PCDH15: variants seen among roughly 807,000 people sequenced by gnomAD.
PCDH15 encodes protocadherin-15.
In PCDH15, 129 loss-of-function variants were observed where a neutral mutation model predicts 178.5. The observed-to-expected ratio is 0.72, with a 90% CI of 0.63 to 0.84. PCDH15 has a LOEUF of 0.84. Among genes scored for constraint, PCDH15 ranks in the 40% least tolerant of loss-of-function variants. The pLI is 0.00. For missense variants in PCDH15, 2,230 were observed against 2,099.9 expected, an observed-to-expected ratio of 1.06 and a Z score of -1.21; for synonymous variants, 800 against 732.0, an observed-to-expected ratio of 1.09 and a Z score of -1.50.
chr10:54,157,822 G>T (rs534008543), intron 13 of PCDH15, among the ~76,000 whole-genome samples: 45 of 152,172 alleles, frequency 3.0e-4, no homozygotes, highest in African/African-American at 9.9e-4. Flanking sequence ...AATTTATTCC[G>T]CCAGGTATCC....
At position 54,394,799 on chromosome 10, in the gene PCDH15, G is replaced by A. The variant is rs527767168; in HGVS notation, c.158-15857C>T. On this transcript the variant is annotated intron_variant, in intron 3 of 37. Coordinates refer to ENST00000644397, the MANE Select transcript of PCDH15 (RefSeq NM_001384140.1). ...TCAACCCTAAGAGGCAGGCGCACCT[G>A]GGGGCGCTGTTTATAAGCCTATACC... 2.0e-5 allele frequency among the ~76,000 whole-genome samples: 3 copies of A among 152,256 alleles called. No individual in the cohort carries two copies. The East Asian group carries it at 5.8e-4, about 29-fold the overall frequency.
At chr10:54,126,233 G>A (rs535871024) in intron 15 of PCDH15, among the ~76,000 whole-genome samples, 55 of 152,028 alleles carry the variant, frequency 3.6e-4, no homozygotes, top group Non-Finnish European at 7.2e-4. Context: ...AACACACCCA[G>A]GTAATTTTTG....
intron 3 of PCDH15, among the ~76,000 whole-genome samples, chr10:54,879,884 G>T (rs1954228699): frequency 6.6e-6 from 1 of 151,830 alleles, no homozygotes; most frequent in Admixed American, 6.6e-5. Context: ...AGATAACTGT[G>T]ATCATCATGA....
chr10:54,287,619 C>T (rs374164644), intron 8 of PCDH15, among the ~76,000 whole-genome samples: 1 of 151,678 alleles, frequency 6.6e-6, no homozygotes, highest in Non-Finnish European at 1.5e-5. Context: ...CTATTTTTTT[C>T]GTTCTAAGGC....
chr10:54,925,441 T>G (rs1837594147), intron 2 of PCDH15, among the ~76,000 whole-genome samples: 1 of 152,178 alleles, frequency 6.6e-6, no homozygotes, highest in Non-Finnish European at 1.5e-5. Context: ...TTTTTTTGTT[T>G]TCACATTAAT....
At chr10:55,020,743 G>A (rs1262882758) in intron 2 of PCDH15, among the ~76,000 whole-genome samples, 1 of 152,040 alleles carries the variant, frequency 6.6e-6, no homozygotes, top group Non-Finnish European at 1.5e-5. Context: ...TTTTACAGAT[G>A]AGAAAATTCT....
At chr10:54,256,172 G>A (rs2132182978) in intron 8 of PCDH15, among the ~76,000 whole-genome samples, 1 of 152,234 alleles carries the variant, frequency 6.6e-6, no homozygotes, top group South Asian at 2.1e-4. Flanking sequence ...ACTCATCTTT[G>A]AAGCGTATCC....
chr10:54,683,771 C>T (rs188194872), intron 1 of PCDH15, among the ~76,000 whole-genome samples: 2 of 152,176 alleles, frequency 1.3e-5, no homozygotes, highest in Admixed American at 6.6e-5. Flanking sequence ...TTAAAGCTTG[C>T]GATCAAGTGT....
chr10:54,691,825 A>G (rs2135804574), intron 1 of PCDH15, among the ~76,000 whole-genome samples: 1 of 152,218 alleles, frequency 6.6e-6, no homozygotes, highest in South Asian at 2.1e-4. Flanking sequence ...ACGGAGTTTA[A>G]CACACTCATA....
chr10:55,483,125 A>T (rs1840218097), intron 2 of PCDH15, among the ~76,000 whole-genome samples: 1 of 151,888 alleles, frequency 6.6e-6, no homozygotes, highest in African/African-American at 2.4e-5. Context: ...AACAAAAGAA[A>T]AATTGACAAA....
At chr10:54,121,073 AAG>A (rs1491357743) in intron 15 of PCDH15, among the ~76,000 whole-genome samples, 198 of 139,666 alleles carry the variant, frequency 1.4e-3, no homozygotes, top group Middle Eastern at 3.7e-3. Flanking sequence ...AAAAAAAAAA[AAG>A]AAATCACAGC....
At chr10:53,888,341 T>TATATGTACGTACAG (rs2133434733) in intron 26 of PCDH15, among the ~76,000 whole-genome samples, 1 of 69,532 alleles carries the variant, frequency 1.4e-5, no homozygotes, top group Admixed American at 2.1e-4. Flanking sequence ...TGTACGTATA[T>TATATGTACGTACAG]ATATATACGT....
At position 54,540,370 on chromosome 10, in the gene PCDH15, A is replaced by G. The variant is rs184807844; in HGVS notation, c.92-12493T>C. On this transcript the variant is annotated intron_variant, in intron 2 of 37. Transcript: ENST00000644397. ...AAACACAAAAAAATCCTCAGAGACT[A>G]TTATCAACACCTGTGTTCACACAAA... Among the ~76,000 whole-genome samples the G allele has an allele frequency of 2.9e-3, 434 of 152,268 alleles. 2 individuals are homozygous for G. The highest frequency in any genetic ancestry group is 0.01 in the Middle Eastern group (3 of 294).
At chr10:55,022,860 G>A (rs558348080) in intron 2 of PCDH15, among the ~76,000 whole-genome samples, 4 of 150,870 alleles carry the variant, frequency 2.7e-5, no homozygotes, top group African/African-American at 4.9e-5. Context: ...ACAGGCGCCC[G>A]CCACCATGAC....
At chr10:54,340,979 C>T (rs1448596106) in intron 6 of PCDH15, among the ~76,000 whole-genome samples, 1 of 152,146 alleles carries the variant, frequency 6.6e-6, no homozygotes, top group African/African-American at 2.4e-5. Flanking sequence ...TCTTGCCCAA[C>T]TTCTAAGCTC....
chr10:53,822,344 TGTA>T lies in PCDH15; in HGVS notation c.4368-2117_4368-2115del, dbSNP rs750633152. Reference sequence around the variant, plus strand: ...ACGTTGAAACGGAAAGTGGAAAAAATGTAGGAGGAGGAAGAGGAAGAGGGATAG... The same window carrying T: ...ACGTTGAAACGGAAAGTGGAAAAAATGGAGGAGGAAGAGGAAGAGGGATAG... On this transcript the variant is annotated intron_variant, in intron 32 of 37. Coordinates refer to ENST00000644397, the MANE Select transcript of PCDH15 (RefSeq NM_001384140.1). 5.7e-6 allele frequency: 9 copies of T among 1,584,450 alleles called. No homozygotes were observed. Among genetic ancestry groups the T allele is most frequent in the African/African-American group, 4.1e-5 (3 of 72,776 alleles).
At chr10:54,518,773 G>C (rs1252680206) in intron 3 of PCDH15, among the ~76,000 whole-genome samples, 2 of 152,102 alleles carry the variant, frequency 1.3e-5, no homozygotes, top group South Asian at 2.1e-4. Context: ...GAGAATTTTA[G>C]ACCAATATCC....
intron 3 of PCDH15, among the ~76,000 whole-genome samples, chr10:54,501,684 T>A (rs2080703562): frequency 6.6e-6 from 1 of 152,116 alleles, no homozygotes; most frequent in South Asian, 2.1e-4. Context: ...TAATATGAAG[T>A]TCTTAAACTC....
chr10:55,511,470 G>A (rs901448246), intron 2 of PCDH15, among the ~76,000 whole-genome samples: 3 of 152,016 alleles, frequency 2.0e-5, no homozygotes, highest in Non-Finnish European at 4.4e-5. Flanking sequence ...TTGATACTAG[G>A]AGACCCTCTG....
Sources: gnomAD v4.1 joint callset for allele counts (sites outside exome capture counted in the v4.1 genomes callset) on GRCh38, gnomAD v4.1.1 for gene constraint, MANE v1.5 for transcripts, NCBI Gene and HGNC (gene_info 2026-07-23, HGNC 2026-07-21) for gene names.